FBN1: variants seen among roughly 807,000 people sequenced by gnomAD.
FBN1 encodes the protein fibrillin-1.
In FBN1, 29 loss-of-function variants were observed where a neutral mutation model predicts 365.1. The ratio of observed to expected loss-of-function variants is 0.08; its 90% CI spans 0.06 to 0.11. The LOEUF (loss-of-function observed/expected upper bound fraction) is 0.11, where lower values mean the gene tolerates loss of function less well. Among genes scored for constraint, FBN1 ranks in the 10% least tolerant of loss-of-function variants. FBN1 has a pLI of 1.00. For synonymous variants in FBN1, 1,210 were observed against 1,270.5 expected (o/e 0.95, Z 1.01); for missense variants, 2,476 against 3,703.2 (o/e 0.67, Z 8.60).
At chr15:48,440,114 C>T (rs1438428857) in intron 50 of FBN1, among the ~76,000 whole-genome samples, 1 of 152,186 alleles carries the variant, frequency 6.6e-6, no homozygotes, top group Non-Finnish European at 1.5e-5. Flanking sequence ...GGGTGTCTTG[C>T]ATTGGGGAAG....
Position 48,495,451 on chromosome 15 carries a change from T to A in FBN1, c.2539+18A>T. 6.2e-7 allele frequency: 1 copy of A among 1,612,042 alleles called. No homozygotes were observed. The highest frequency in any genetic ancestry group is 8.5e-7 in the Non-Finnish European group (1 of 1,179,488). On this transcript the variant is annotated intron_variant, in intron 21 of 65. Coordinates refer to ENST00000316623, the MANE Select transcript of FBN1 (RefSeq NM_000138.5). ...ACATTGATAAACATAGAAAAATCATTCTCAGAAAGATAAATACCTATGCAG... is the reference window on the plus strand; with the variant it reads ...ACATTGATAAACATAGAAAAATCATACTCAGAAAGATAAATACCTATGCAG...
At chr15:48,586,305 G>A (rs1269237068) in intron 6 of FBN1, among the ~76,000 whole-genome samples, 1 of 151,804 alleles carries the variant, frequency 6.6e-6, no homozygotes, top group Admixed American at 6.6e-5. Context: ...GGCCATGTCA[G>A]CAAAGTTGCA....
chr15:48,472,547 T>G lies in FBN1; in HGVS notation c.4336+4A>C, dbSNP rs764099050. ...AGGCTCCCAGTGGCTTCCCCATCAG[T>G]TACCTTCACAGGCTTTCCCGTCAGC... On this transcript the variant is annotated splice_donor_region_variant and intron_variant, in intron 35 of 65. Transcript: ENST00000316623. The G allele has an allele frequency of 1.1e-5, 18 of 1,613,626 alleles. No homozygotes were observed. Among genetic ancestry groups the G allele is most frequent in the Admixed American group, 3.3e-5 (2 of 59,988 alleles).
chr15:48,416,163 G>A (rs2042902259), intron 63 of FBN1, among the ~76,000 whole-genome samples: 1 of 152,148 alleles, frequency 6.6e-6, no homozygotes, highest in Admixed American at 6.5e-5. Context: ...AAGGGGGGAG[G>A]AAAGGAATCT....
rs776655359 is a variant in FBN1, at chr15:48,515,367, A to G, written c.1468+20T>C. On this transcript the variant is annotated intron_variant, in intron 12 of 65. Coordinates refer to ENST00000316623, the MANE Select transcript of FBN1 (RefSeq NM_000138.5). ...GAATTACAACAGACCCTTGGTGCCA[A>G]CCTAGGATGGATCACGTACCAATAC... The G allele has an allele frequency of 1.2e-6, 2 of 1,613,706 alleles. No individual in the cohort carries two copies. Among genetic ancestry groups the G allele is most frequent in the South Asian group, 1.1e-5 (1 of 91,062 alleles).
At chr15:48,470,880 G>A in intron 35 of FBN1, 124 bp from the exon 36 acceptor site, 1 of 1,084,976 alleles carries the variant, frequency 9.2e-7, no homozygotes, top group Non-Finnish European at 1.4e-6. Flanking sequence ...ACCAATCTGG[G>A]CACTTCTCCT....
At chr15:48,542,781 A>ATGTGTGTGTGTGTGTGTG (rs58728910) in intron 6 of FBN1, among the ~76,000 whole-genome samples, 5 of 130,664 alleles carry the variant, frequency 3.8e-5, no homozygotes, top group East Asian at 2.6e-4. Flanking sequence ...GGACTCTAAG[A>ATGTGTGTGTGTGTGTGTG]TGTGTGTGTG....
chr15:48,561,149 G>A (rs2044219682), intron 6 of FBN1, among the ~76,000 whole-genome samples: 1 of 152,098 alleles, frequency 6.6e-6, no homozygotes, highest in Non-Finnish European at 1.5e-5. Flanking sequence ...GAGTATAAGT[G>A]CTAAAACAAA....
intron 47 of FBN1, 143 bp from the exon 48 acceptor site, chr15:48,445,647 A>T: frequency 1.2e-6 from 1 of 821,730 alleles, no homozygotes; most frequent in Non-Finnish European, 2.0e-6. Flanking sequence ...ATGCCAATGA[A>T]GATCTAGTTT....
intron 2 of FBN1, among the ~76,000 whole-genome samples, chr15:48,631,377 G>C (rs1374630141): frequency 6.6e-6 from 1 of 152,186 alleles, no homozygotes; most frequent in Non-Finnish European, 1.5e-5. Context: ...CGCAAGCAAG[G>C]CCTGCCCACA....
At chr15:48,416,156 G>T (rs182672592) in intron 63 of FBN1, among the ~76,000 whole-genome samples, 14 of 152,274 alleles carry the variant, frequency 9.2e-5, no homozygotes, top group Admixed American at 3.3e-4. Context: ...AGGGTTCAAG[G>T]GGGGAGGAAA....
rs2044276787 is a variant in FBN1, at chr15:48,568,244, A to G, written c.538+28039T>C. On this transcript the variant is annotated intron_variant, in intron 6 of 65. Transcript: ENST00000316623. ...TAACAATGAACAATCAGAAAATTAA[A>G]TTACAAAGCAATTCAATTCACAATT... Among the ~76,000 whole-genome samples, 3 of 151,950 alleles carry G rather than the reference A, an allele frequency of 2.0e-5. No individual in the cohort carries two copies. In the South Asian group the frequency reaches 6.2e-4, roughly 31 times the overall value.
chr15:48,457,971 C>A (rs1477766940), intron 43 of FBN1, among the ~76,000 whole-genome samples: 1 of 152,048 alleles, frequency 6.6e-6, no homozygotes, highest in Non-Finnish European at 1.5e-5. Flanking sequence ...CCTGCATCAC[C>A]CTAATACAAT....
chr15:48,513,685 A>G lies in FBN1; in HGVS notation c.1469-17T>C. On this transcript the variant is annotated splice_polypyrimidine_tract_variant and intron_variant, in intron 12 of 65. Coordinates refer to ENST00000316623, the MANE Select transcript of FBN1 (RefSeq NM_000138.5). ...CATCAACATCTGCAAAGCACAATGT[A>G]TTTTAGTGCAAAATTACATAGCAAT... 1 of 1,613,778 alleles carries G rather than the reference A, an allele frequency of 6.2e-7. No individual in the cohort carries two copies. Among genetic ancestry groups the G allele is most frequent in the Non-Finnish European group, 8.5e-7 (1 of 1,179,820 alleles).
intron 8 of FBN1, among the ~76,000 whole-genome samples, chr15:48,527,949 G>A (rs909078063): frequency 1.3e-5 from 2 of 152,202 alleles, no homozygotes; most frequent in African/African-American, 4.8e-5. Context: ...ATATCTCAAG[G>A]CAGCCACACT....
chr15:48,470,861 G>GT, intron 35 of FBN1, 105 bp from the exon 36 acceptor site: 2 of 1,280,012 alleles, frequency 1.6e-6, no homozygotes, highest in South Asian at 2.6e-5. Context: ...AAAATGCAGA[G>GT]TATCTAACAC....
chr15:48,627,138 G>A (rs1193523749), intron 2 of FBN1, among the ~76,000 whole-genome samples: 1 of 152,166 alleles, frequency 6.6e-6, no homozygotes, highest in Non-Finnish European at 1.5e-5. Context: ...CAAAGAGAAT[G>A]TATTCTCTTT....
At chr15:48,568,416 C>T (rs1235638869) in intron 6 of FBN1, among the ~76,000 whole-genome samples, 1 of 152,062 alleles carries the variant, frequency 6.6e-6, no homozygotes, top group Non-Finnish European at 1.5e-5. Flanking sequence ...AAAATCAATA[C>T]TGTTAACATT....
intron 10 of FBN1, 40 bp from the exon 11 acceptor site, chr15:48,516,402 G>T: frequency 6.3e-7 from 1 of 1,598,162 alleles, no homozygotes; most frequent in Non-Finnish European, 8.6e-7. Flanking sequence ...CAGCTGAGCT[G>T]TAGCTTATGA....
Sources: allele counts gnomAD v4.1 joint callset (sites outside exome capture counted in the v4.1 genomes callset), GRCh38; gene constraint gnomAD v4.1.1; transcripts MANE v1.5; gene names NCBI Gene and HGNC (gene_info 2026-07-23, HGNC 2026-07-21).